SARM1: variants seen among roughly 807,000 people sequenced by gnomAD.
The protein encoded by SARM1 is NAD(+) hydrolase SARM1.
A neutral mutation model predicts 65.1 loss-of-function variants in SARM1; 60 were observed. The observed-to-expected ratio is 0.92, with a 90% CI of 0.75 to 1.14. SARM1 has a LOEUF of 1.14. Among genes scored for constraint, SARM1 ranks in the 50% most tolerant of loss-of-function variants. The pLI, the probability that SARM1 is intolerant of heterozygous loss-of-function variation, is 0.00. For missense variants in SARM1, 913 were observed against 1,015.7 expected, an observed-to-expected ratio of 0.90 and a Z score of 1.37; for synonymous variants, 417 against 465.4, an observed-to-expected ratio of 0.90 and a Z score of 1.34.
rs1555584223 is a variant in SARM1 at position 28,372,508 on chromosome 17, C to G, written c.470+6C>G. ...ATCCTGGTGGCTGAGAACCGGTGAGCGCGCCAGGCCGGGGTTGGGAGAGCG... is the reference window on the plus strand; with the variant it reads ...ATCCTGGTGGCTGAGAACCGGTGAGGGCGCCAGGCCGGGGTTGGGAGAGCG... On this transcript the variant is annotated splice_donor_region_variant and intron_variant, in intron 1 of 8. Coordinates refer to ENST00000585482, the MANE Select transcript of SARM1 (RefSeq NM_015077.4). This position sits in a 1 kb window ranked among gnomAD's most constrained non-coding sequence, Gnocchi z 5.2. 6.6e-7 allele frequency: 1 copy of G among 1,521,702 alleles called. No individual in the cohort carries two copies. Among genetic ancestry groups the G allele is most frequent in the Non-Finnish European group, 8.8e-7 (1 of 1,141,074 alleles). The allele number at this position is 1,521,702 out of a possible 1,614,324, so 94.3% of individuals were successfully genotyped here.
At position 28,371,694 on chromosome 17, in the gene SARM1, A is replaced by G. The variant is rs1255052566; in HGVS notation, c.-339A>G. 5.0e-6 allele frequency: 1 copy of G among 200,588 alleles called. No homozygotes were observed. The allele number at this position is 200,588 out of a possible 1,614,324, so 12.4% of individuals were successfully genotyped here. ...CTCCGGGGCGTGGCTGCTGCCGAGC[A>G]TCTCCCAGCTCAGCCGAGCCCGTGC... On this transcript the variant is annotated 5_prime_UTR_variant, in exon 1 of 9. Coordinates refer to ENST00000585482, the MANE Select transcript of SARM1 (RefSeq NM_015077.4).
In SARM1 at chr17:28,403,131, C is replaced by A. The variant is rs2068217307; in HGVS notation, c.*6845C>A. 6.6e-6 allele frequency: 1 copy of A among 152,212 alleles called. No homozygotes were observed. Among genetic ancestry groups the A allele is most frequent in the Non-Finnish European group, 1.5e-5 (1 of 68,058 alleles). 9.4% of individuals were successfully genotyped at this position (152,212 alleles called of 1,614,324 possible). ...TCTCTCCTGGAGGCTTGCAAGGGAG[C>A]ACTGCCTGCTGACTGCTTCCATTCA... On this transcript the variant is annotated 3_prime_UTR_variant, in exon 9 of 9. Coordinates refer to ENST00000585482, the MANE Select transcript of SARM1 (RefSeq NM_015077.4).
Position 28,385,285 on chromosome 17 carries a change from C to T in SARM1, c.1630+10C>T. 6.6e-7 allele frequency: 1 copy of T among 1,517,254 alleles called. No individual in the cohort carries two copies. The highest frequency in any genetic ancestry group is 8.8e-7 in the Non-Finnish European group (1 of 1,135,808). The allele number at this position is 1,517,254 out of a possible 1,614,324, so 94.0% of individuals were successfully genotyped here. On this transcript the variant is annotated intron_variant, in intron 5 of 8. Transcript: ENST00000585482. The surrounding 1 kb of genome is among the most constrained non-coding windows in gnomAD (Gnocchi z 4.5). ...CTCACGGCGGCCAGAGGTCAGCCCG[C>T]TCACCCGGGACCCCGCCCCAGCCCC...
chr17:28,394,317 G>T (rs1199180573), intron 7 of SARM1, among the ~76,000 whole-genome samples: 2 of 152,228 alleles, frequency 1.3e-5, no homozygotes, highest in African/African-American at 4.8e-5. Context: ...GGTGGTAGTG[G>T]GGTGGAGGTA....
intron 1 of SARM1, among the ~76,000 whole-genome samples, chr17:28,380,228 AT>A (rs2068014768): frequency 6.6e-6 from 1 of 150,802 alleles, no homozygotes; most frequent in Admixed American, 6.6e-5. Flanking sequence ...GCCTGGTTTT[AT>A]ATTTTCCCTT....
Position 28,400,716 on chromosome 17 carries a change from C to G in SARM1, c.*4430C>G. On this transcript the variant is annotated 3_prime_UTR_variant, in exon 9 of 9. Transcript: ENST00000585482. ...TAGAGTGAGTTGAAGATGCCGGAGGCCGTCAGCATGGCCAGGCTATTCACA... is the reference window on the plus strand; with the variant it reads ...TAGAGTGAGTTGAAGATGCCGGAGGGCGTCAGCATGGCCAGGCTATTCACA... 6.2e-7 allele frequency: 1 copy of G among 1,604,760 alleles called. No homozygotes were observed. The highest frequency in any genetic ancestry group is 8.5e-7 in the Non-Finnish European group (1 of 1,175,890).
rs1218207990 is a variant in SARM1, at chr17:28,403,084, C to T, written c.*6798C>T. On this transcript the variant is annotated 3_prime_UTR_variant, in exon 9 of 9. Coordinates refer to ENST00000585482, the MANE Select transcript of SARM1 (RefSeq NM_015077.4). ...CAAGGAATGCCAGCAGCCCCAGAAG[C>T]TGGAAGAAATGAGAAACACGTTCTC... The T allele has an allele frequency of 3.9e-5, 6 of 152,270 alleles. No homozygotes were observed. Among genetic ancestry groups the T allele is most frequent in the Non-Finnish European group, 7.3e-5 (5 of 68,114 alleles). The allele number at this position is 152,270 out of a possible 1,614,324, so 9.4% of individuals were successfully genotyped here.
chr17:28,372,534 C>A lies in SARM1; in HGVS notation c.470+32C>A, dbSNP rs782806566. The stretch of plus-strand genomic sequence containing the variant: ...GCGCCAGGCCGGGGTTGGGAGAGCG[C>A]CGCGTGGTGTGGACAGTTAAGCGCC... On this transcript the variant is annotated intron_variant, in intron 1 of 8. Coordinates refer to ENST00000585482, the MANE Select transcript of SARM1 (RefSeq NM_015077.4). This position sits in a 1 kb window ranked among gnomAD's most constrained non-coding sequence, Gnocchi z 5.2. 6.7e-6 allele frequency: 10 copies of A among 1,487,156 alleles called. No individual in the cohort carries two copies. In the Admixed American group the frequency reaches 2.1e-4, roughly 31 times the overall value. The allele number at this position is 1,487,156 out of a possible 1,614,324, so 92.1% of individuals were successfully genotyped here. A position where few individuals can be genotyped will look rare whatever the true frequency, so the allele number is the denominator to read the frequency against.
Position 28,381,745 on chromosome 17 carries a change from G to T in SARM1, c.1013G>T (p.Arg338Leu). 6.6e-7 allele frequency: 1 copy of T among 1,512,776 alleles called. No homozygotes were observed. 93.7% of individuals were successfully genotyped at this position (1,512,776 alleles called of 1,614,324 possible). The change falls in exon 2 of 9, where the codon CGC becomes CTC. Residue 338 changes from arginine (R) to leucine (L), a missense_variant. Coordinates refer to ENST00000585482, the MANE Select transcript of SARM1 (RefSeq NM_015077.4). ...CTCGTGCCGTTGCTCGACTCTAACC[G>T]CTTGGAGGCGCAGTGCATCGGGGCT... ...QRLVPLLDSN[R>L]LEAQCIGAFY...
Position 28,399,319 on chromosome 17 carries a change from C to T in SARM1, c.*3033C>T. On this transcript the variant is annotated 3_prime_UTR_variant, in exon 9 of 9. Coordinates refer to ENST00000585482, the MANE Select transcript of SARM1 (RefSeq NM_015077.4). ...TGCCAGCCCTCGTGCTGCCTCTGGT[C>T]CCTGAAGTGTCACCTCTCTCAGGAC... 1 of 285,240 alleles carries T rather than the reference C, an allele frequency of 3.5e-6. No homozygotes were observed. The highest frequency in any genetic ancestry group is 6.8e-6 in the Non-Finnish European group (1 of 147,532). 17.7% of individuals were successfully genotyped at this position (285,240 alleles called of 1,614,324 possible). A position where few individuals can be genotyped will look rare whatever the true frequency, so the allele number is the denominator to read the frequency against.
chr17:28,400,061 T>C lies in SARM1; in HGVS notation c.*3775T>C, dbSNP rs2068177197. On this transcript the variant is annotated 3_prime_UTR_variant, in exon 9 of 9. Coordinates refer to ENST00000585482, the MANE Select transcript of SARM1 (RefSeq NM_015077.4). ...AGTGCATACCACCATGCCTGGGTGA[T>C]TTTTTAAATTTTTTATACAGACAAG... 1 of 280,818 alleles carries C rather than the reference T, an allele frequency of 3.6e-6. No individual in the cohort carries two copies. Among genetic ancestry groups the C allele is most frequent in the Non-Finnish European group, 6.9e-6 (1 of 145,436 alleles). 17.4% of individuals were successfully genotyped at this position (280,818 alleles called of 1,614,324 possible).
chr17:28,380,057 CTT>C lies in SARM1; in HGVS notation c.471-1133_471-1132del, dbSNP rs61029083. On this transcript the variant is annotated intron_variant, in intron 1 of 8. Transcript: ENST00000585482. ...AACCCCTCATTGATTTTTTTCTTTTCTTTTTTTTTTTTTTCTGTCTCTCTCTC... is the reference window on the plus strand; with the variant it reads ...AACCCCTCATTGATTTTTTTCTTTTCTTTTTTTTTTTTCTGTCTCTCTCTC... 6.6e-5 allele frequency among the ~76,000 whole-genome samples: 7 copies of C among 106,114 alleles called. No individual in the cohort carries two copies. In the South Asian group the frequency reaches 9.3e-4, roughly 14 times the overall value. 69.6% of individuals were successfully genotyped at this position (106,114 alleles called of 152,430 possible).
In SARM1 at chr17:28,385,259, CCTCACGGCGGCCAGAGGTCAGCCCG is replaced by C; in HGVS notation, c.1620_1630+14del. ...ACCTGGGCGTGCACCGCGCCCGCAT[CCTCACGGCGGCCAGAGGTCAGCCCG>C]CTCACCCGGGACCCCGCCCCAGCCC... On this transcript the variant is annotated splice_donor_variant and splice_donor_5th_base_variant and coding_sequence_variant and intron_variant, in exon 5 of 9. Coordinates refer to ENST00000585482, the MANE Select transcript of SARM1 (RefSeq NM_015077.4). LOFTEE classifies it high-confidence loss of function. This position sits in a 1 kb window ranked among gnomAD's most constrained non-coding sequence, Gnocchi z 4.5. 1 of 1,561,802 alleles carries C rather than the reference CCTCACGGCGGCCAGAGGTCAGCCCG, an allele frequency of 6.4e-7. No homozygotes were observed. Among genetic ancestry groups the C allele is most frequent in the Non-Finnish European group, 8.6e-7 (1 of 1,160,322 alleles).
At position 28,372,455 on chromosome 17, in the gene SARM1, T is replaced by A; in HGVS notation, c.423T>A (p.Arg141=). Residue 141 remains arginine (R), a synonymous_variant, in exon 1 of 9, where the codon CGT becomes CGA. Transcript: ENST00000585482. This position sits in a 1 kb window ranked among gnomAD's most constrained non-coding sequence, Gnocchi z 5.2. ...RLLQAPELET[R]VQAARLLEQI... ...TGCAGGCGCCGGAGTTGGAGACGCG[T>A]GTGCAGGCCGCGCGCCTGCTGGAGC... 2 of 1,530,692 alleles carry A rather than the reference T, an allele frequency of 1.3e-6. No homozygotes were observed. Among genetic ancestry groups the A allele is most frequent in the South Asian group, 2.4e-5 (2 of 83,870 alleles). The allele number at this position is 1,530,692 out of a possible 1,614,324, so 94.8% of individuals were successfully genotyped here.
rs1389320808 is a variant in SARM1 at position 28,372,423 on chromosome 17, C to A, written c.391C>A (p.Arg131=). ...CGATGGCGGCCTCGACCTGCTGTTG[C>A]GGCTGCTGCAGGCGCCGGAGTTGGA... is the stretch of plus-strand genomic sequence containing the variant. ...RLDGGLDLLL[R]LLQAPELETR... Residue 131 remains arginine (R), a synonymous_variant, in exon 1 of 9, where the codon CGG becomes AGG. Coordinates refer to ENST00000585482, the MANE Select transcript of SARM1 (RefSeq NM_015077.4). The surrounding 1 kb of genome is among the most constrained non-coding windows in gnomAD (Gnocchi z 5.2). The A allele has an allele frequency of 2.2e-5, 34 of 1,529,712 alleles. No individual in the cohort carries two copies. The highest frequency in any genetic ancestry group is 3.0e-5 in the Non-Finnish European group (34 of 1,144,944). 94.8% of individuals were successfully genotyped at this position (1,529,712 alleles called of 1,614,324 possible).
Position 28,372,536 on chromosome 17 carries a change from G to A in SARM1, c.470+34G>A, listed in dbSNP as rs781858529. 114 of 1,480,588 alleles carry A rather than the reference G, an allele frequency of 7.7e-5. No individual in the cohort carries two copies. The highest frequency in any genetic ancestry group is 2.1e-5 in the Admixed American group (1 of 47,666). 91.7% of individuals were successfully genotyped at this position (1,480,588 alleles called of 1,614,324 possible). A position where few individuals can be genotyped will look rare whatever the true frequency, so the allele number is the denominator to read the frequency against. ...GCCAGGCCGGGGTTGGGAGAGCGCCGCGTGGTGTGGACAGTTAAGCGCCTG... is the reference window on the plus strand; with the variant it reads ...GCCAGGCCGGGGTTGGGAGAGCGCCACGTGGTGTGGACAGTTAAGCGCCTG... On this transcript the variant is annotated intron_variant, in intron 1 of 8. Transcript: ENST00000585482. This position sits in a 1 kb window ranked among gnomAD's most constrained non-coding sequence, Gnocchi z 5.2.
In SARM1 at chr17:28,381,796, T is replaced by TC. The variant is rs782113494; in HGVS notation, c.1065dup (p.Lys356GlnfsTer31). The TC allele has an allele frequency of 1.4e-6, 2 of 1,453,568 alleles. No individual in the cohort carries two copies. The highest frequency in any genetic ancestry group is 2.9e-5 in the African/African-American group (2 of 69,082). The allele number at this position is 1,453,568 out of a possible 1,614,324, so 90.0% of individuals were successfully genotyped here. Reference sequence around the variant, plus strand: ...TTCTACCTCTGCGCCGAGGCTGCCATCAAGAGCCTGCAAGGCAAGACCAAG... The same window carrying TC: ...TTCTACCTCTGCGCCGAGGCTGCCATCCAAGAGCCTGCAAGGCAAGACCAAG... On this transcript the variant is annotated frameshift_variant, in exon 2 of 9. Coordinates refer to ENST00000585482, the MANE Select transcript of SARM1 (RefSeq NM_015077.4). LOFTEE classifies it high-confidence loss of function.
intron 7 of SARM1, chr17:28,394,680 A>T (rs975638416): frequency 6.6e-6 from 1 of 152,210 alleles, no homozygotes; most frequent in Admixed American, 6.5e-5. Context: ...TGTCAACCTT[A>T]AATAATGAGA....
At chr17:28,383,114 C>T (rs2068032395) in intron 2 of SARM1, among the ~76,000 whole-genome samples, 1 of 152,218 alleles carries the variant, frequency 6.6e-6, no homozygotes, top group Admixed American at 6.5e-5. Flanking sequence ...TGGTTCATGC[C>T]TGTAATCCCA....
Sources: allele counts gnomAD v4.1 joint callset (sites outside exome capture counted in the v4.1 genomes callset), GRCh38; gene constraint gnomAD v4.1.1; non-coding constraint Gnocchi (gnomAD v3.1); transcripts MANE v1.5; gene names NCBI Gene and HGNC (gene_info 2026-07-23, HGNC 2026-07-21).